The following IPO11 variants were observed in gnomAD, a reference collection of about 807,000 sequenced individuals.
IPO11 encodes importin 11.
Under a neutral mutation model 143.2 loss-of-function variants are expected in IPO11, and 66 were observed. The observed-to-expected ratio is 0.46, with a 90% CI of 0.38 to 0.57. IPO11 has a LOEUF of 0.57. Among genes scored for constraint, IPO11 ranks in the 20% least tolerant of loss-of-function variants. The pLI is 0.00. For missense variants in IPO11, 1,026 were observed against 1,141.0 expected (o/e 0.90, Z 1.45); for synonymous variants, 385 against 377.8 (o/e 1.02, Z -0.22).
At chr5:62,560,335 A>C (rs1452376217) in intron 26 of IPO11, among the ~76,000 whole-genome samples, 2 of 152,190 alleles carry the variant, frequency 1.3e-5, no homozygotes, top group African/African-American at 4.8e-5. Flanking sequence ...TTTGCATAGC[A>C]GGCTGGAAAC....
intron 27 of IPO11, among the ~76,000 whole-genome samples, chr5:62,586,764 A>ATATATATAT (rs1554056988): frequency 4.8e-5 from 4 of 83,110 alleles, no homozygotes; most frequent in African/African-American, 1.9e-4. Flanking sequence ...AAAAAAAAAA[A>ATATATATAT]AAAAATATAT....
rs116299873 is a variant in IPO11, at chr5:62,533,153, C to T, written c.2089+2368C>T. The stretch of plus-strand genomic sequence containing the variant: ...TTTGTACATCTTGACCTCAGTATTA[C>T]CTTCATTTTTGTTTGAGTTTGACAT... On this transcript the variant is annotated intron_variant, in intron 22 of 29. Coordinates refer to ENST00000325324, the MANE Select transcript of IPO11 (RefSeq NM_016338.5). Among the ~76,000 whole-genome samples the T allele has an allele frequency of 7.2e-3, 1,097 of 151,644 alleles. 14 individuals are homozygous for T. The highest frequency in any genetic ancestry group is 0.025 in the African/African-American group (1,032 of 41,402).
intron 28 of IPO11, among the ~76,000 whole-genome samples, chr5:62,592,313 A>G (rs1267251554): frequency 6.6e-6 from 1 of 152,110 alleles, no homozygotes; most frequent in Admixed American, 6.6e-5. Context: ...TGCTGTTTAT[A>G]AAGCCATCTC....
At chr5:62,581,374 T>A in intron 27 of IPO11, 1 of 1,128,982 alleles carries the variant, frequency 8.9e-7, no homozygotes, top group Non-Finnish European at 1.2e-6. Context: ...AACCTCCTTA[T>A]ATAATTATAT....
In IPO11 at chr5:62,504,855, C is replaced by T. The variant is rs745748945; in HGVS notation, c.1625-3C>T. The T allele has an allele frequency of 6.4e-7, 1 of 1,552,310 alleles. No homozygotes were observed. The highest frequency in any genetic ancestry group is 2.3e-5 in the East Asian group (1 of 43,894). On this transcript the variant is annotated splice_region_variant and splice_polypyrimidine_tract_variant and intron_variant, in intron 17 of 29. Transcript: ENST00000325324. ...TTCTCAGTATTCCTTAACTGTTCTT[C>T]ACCTGTTGATGATTTTGAATTTAGA...
At chr5:62,584,961 G>C (rs1267521776) in intron 27 of IPO11, among the ~76,000 whole-genome samples, 2 of 152,138 alleles carry the variant, frequency 1.3e-5, no homozygotes, top group Non-Finnish European at 2.9e-5. Context: ...AAGATACCTT[G>C]TGATAGAGGA....
chr5:62,503,091 C>T (rs1207761599), intron 16 of IPO11, among the ~76,000 whole-genome samples: 1 of 152,092 alleles, frequency 6.6e-6, no homozygotes, highest in African/African-American at 2.4e-5. Context: ...TCCCAAAGTG[C>T]TGGGATTATA....
intron 5 of IPO11, among the ~76,000 whole-genome samples, chr5:62,454,374 G>A (rs1203261361): frequency 6.6e-6 from 1 of 152,010 alleles, no homozygotes. Flanking sequence ...TTACTTTTTT[G>A]TTGGGGAGAG....
chr5:62,586,768 A>AAAAAATATATATATATATAT (rs1554057003), intron 27 of IPO11, among the ~76,000 whole-genome samples: 1 of 28,918 alleles, frequency 3.5e-5, no homozygotes, highest in African/African-American at 1.3e-4. Flanking sequence ...AAAAAAAAAA[A>AAAAAATATATATATATATAT]ATATATATAT....
At chr5:62,513,417 C>A (rs868653311) in intron 19 of IPO11, among the ~76,000 whole-genome samples, 3 of 62,564 alleles carry the variant, frequency 4.8e-5, no homozygotes, top group African/African-American at 7.2e-5. Flanking sequence ...GGCGCTGACC[C>A]CCCCCCCACC....
chr5:62,530,907 G>A (rs1351335756), intron 22 of IPO11, 122 bp downstream of exon 22: 14 of 712,546 alleles, frequency 2.0e-5, no homozygotes, highest in Non-Finnish European at 3.0e-5. Context: ...TAGATTCAGG[G>A]GATATATGTA....
chr5:62,580,577 C>T, intron 27 of IPO11: 12 of 1,551,468 alleles, frequency 7.7e-6, no homozygotes, highest in Non-Finnish European at 1.0e-5. Context: ...TCAGCCATTA[C>T]TCTAAACATC....
intron 21 of IPO11, among the ~76,000 whole-genome samples, chr5:62,527,842 G>C (rs1026838363): frequency 3.3e-5 from 5 of 152,114 alleles, no homozygotes; most frequent in African/African-American, 1.2e-4. Context: ...TTCTTGATGG[G>C]TTAGAGTTTA....
chr5:62,618,410 C>T (rs899564323), intron 29 of IPO11, among the ~76,000 whole-genome samples: 1 of 151,770 alleles, frequency 6.6e-6, no homozygotes, highest in Non-Finnish European at 1.5e-5. Flanking sequence ...AGGAAAAATA[C>T]AGACATTAGA....
At chr5:62,484,911 T>G (rs1580233866) in intron 11 of IPO11, among the ~76,000 whole-genome samples, 1 of 152,112 alleles carries the variant, frequency 6.6e-6, no homozygotes, top group East Asian at 1.9e-4. Flanking sequence ...TTTTTGCTTT[T>G]TTTGAAACAT....
chr5:62,476,334 G>C (rs1357775955), intron 8 of IPO11, among the ~76,000 whole-genome samples: 3 of 152,092 alleles, frequency 2.0e-5, no homozygotes, highest in African/African-American at 7.2e-5. Context: ...AAATGATAAT[G>C]AGTGTGTTAC....
intron 28 of IPO11, among the ~76,000 whole-genome samples, chr5:62,598,482 C>T (rs1344607405): frequency 6.1e-4 from 3 of 4,926 alleles, no homozygotes; most frequent in Non-Finnish European, 9.4e-4. Flanking sequence ...CTCTCTCTCT[C>T]TCTCTCTCTC....
intron 19 of IPO11, among the ~76,000 whole-genome samples, chr5:62,509,004 G>A (rs1486976785): frequency 6.6e-6 from 1 of 152,178 alleles, no homozygotes; most frequent in African/African-American, 2.4e-5. Flanking sequence ...GATGAAGCTG[G>A]ATACAATAGT....
intron 5 of IPO11, 102 bp downstream of exon 5, chr5:62,452,035 G>A: frequency 1.1e-6 from 1 of 873,634 alleles, no homozygotes; most frequent in Non-Finnish European, 1.9e-6. Context: ...GAGGCGGGTG[G>A]ATCACGAGGT....
Sources: allele counts gnomAD v4.1 joint callset (sites outside exome capture counted in the v4.1 genomes callset), GRCh38; gene constraint gnomAD v4.1.1; transcripts MANE v1.5; gene names NCBI Gene and HGNC (gene_info 2026-07-23, HGNC 2026-07-21).